MAD1L1: variants seen among roughly 807,000 people sequenced by gnomAD.
MAD1L1 encodes mitotic spindle assembly checkpoint protein MAD1.
A neutral mutation model predicts 96.9 loss-of-function variants in MAD1L1; 95 were observed. The ratio of observed to expected loss-of-function variants is 0.98; its 90% CI spans 0.83 to 1.16. The LOEUF (loss-of-function observed/expected upper bound fraction) is 1.16, where lower values mean the gene tolerates loss of function less well. Among genes scored for constraint, MAD1L1 ranks in the 50% most tolerant of loss-of-function variants. MAD1L1 has a pLI of 0.00. For synonymous variants in MAD1L1, 473 were observed against 396.6 expected (o/e 1.19, Z -2.29); for missense variants, 1,007 against 954.4 (o/e 1.06, Z -0.73).
intron 18 of MAD1L1, among the ~76,000 whole-genome samples, chr7:1,841,522 CA>C (rs1783256052): frequency 6.6e-6 from 1 of 152,210 alleles, no homozygotes; most frequent in African/African-American, 2.4e-5. Flanking sequence ...CCTCTCCTGG[CA>C]GCTGTGGGCC....
Position 1,904,456 on chromosome 7 carries a change from A to G in MAD1L1, c.1808-6066T>C, listed in dbSNP as rs147042705. 8.7e-3 allele frequency among the ~76,000 whole-genome samples: 565 copies of G among 65,122 alleles called. 21 individuals are homozygous for G. The highest frequency in any genetic ancestry group is 0.021 in the African/African-American group (282 of 13,694). The allele number at this position is 65,122 out of a possible 152,430, so 42.7% of individuals were successfully genotyped here. A position where few individuals can be genotyped will look rare whatever the true frequency, so the allele number is the denominator to read the frequency against. ...TGAAAGATGCTCTTGCGGAACTCATAATTGATCAAGCACTGTTCCAGGCAG... is the reference window on the plus strand; with the variant it reads ...TGAAAGATGCTCTTGCGGAACTCATGATTGATCAAGCACTGTTCCAGGCAG... On this transcript the variant is annotated intron_variant, in intron 17 of 18. Coordinates refer to ENST00000265854, the MANE Select transcript of MAD1L1 (RefSeq NM_001013836.2).
intron 18 of MAD1L1, among the ~76,000 whole-genome samples, chr7:1,853,493 G>A (rs755054194): frequency 2.6e-5 from 4 of 152,170 alleles, no homozygotes; most frequent in Non-Finnish European, 5.9e-5. Flanking sequence ...GACAGCAGAC[G>A]CTTAGCACCA....
At chr7:2,179,133 C>T (rs1025635241) in intron 10 of MAD1L1, among the ~76,000 whole-genome samples, 16 of 152,252 alleles carry the variant, frequency 1.1e-4, no homozygotes, top group African/African-American at 3.6e-4. Context: ...AATCCGGGAA[C>T]GTTTGGTCAA....
chr7:2,124,549 C>T (rs1212369165), intron 11 of MAD1L1, among the ~76,000 whole-genome samples: 2 of 152,196 alleles, frequency 1.3e-5, no homozygotes, highest in African/African-American at 2.4e-5. Context: ...CAGAGGCAGA[C>T]TGCCCAGGGG....
intron 11 of MAD1L1, among the ~76,000 whole-genome samples, chr7:2,071,444 T>C (rs1188099547): frequency 2.9e-4 from 44 of 152,200 alleles, no homozygotes; most frequent in East Asian, 1.9e-4. Context: ...TTGTGAAATA[T>C]GTAACTGATC....
intron 18 of MAD1L1, among the ~76,000 whole-genome samples, chr7:1,851,402 G>A (rs536538472): frequency 3.3e-5 from 5 of 152,226 alleles, no homozygotes; most frequent in Non-Finnish European, 4.4e-5. Context: ...CAGGGAGGCC[G>A]TGCTGGGACA....
chr7:2,168,163 T>C (rs571911890), intron 10 of MAD1L1, among the ~76,000 whole-genome samples: 1 of 152,060 alleles, frequency 6.6e-6, no homozygotes, highest in Non-Finnish European at 1.5e-5. Context: ...TGGGTGCCTG[T>C]AGTCCCAGCT....
Position 2,014,514 on chromosome 7 carries a change from G to T in MAD1L1, c.1347C>A (p.Ser449Arg), listed in dbSNP as rs549465774. ...CGCGGCCCCTCACCTCCATCTCGGC[G>T]CTGTGGCTGTGCACCTTCTGCACCA... Reference protein sequence around the residue: ...EDMVQKVHSHSAEMEAQLSQA... With the variant: ...EDMVQKVHSHRAEMEAQLSQA... The change falls in exon 13 of 19, where the codon AGC (serine) becomes AGA (arginine). Residue 449 changes from serine (S) to arginine (R), a missense_variant. Ser to Arg is a moderately radical substitution (Grantham distance 110). Transcript: ENST00000265854. 6.3e-6 allele frequency: 10 copies of T among 1,594,862 alleles called. No individual in the cohort carries two copies. The highest frequency in any genetic ancestry group is 8.5e-6 in the Non-Finnish European group (10 of 1,173,066).
Position 2,088,029 on chromosome 7 carries a change from G to A in MAD1L1, c.1074-18691C>T, listed in dbSNP as rs531640329. Among the ~76,000 whole-genome samples the A allele has an allele frequency of 5.9e-5, 9 of 152,300 alleles. 1 individual carries two copies. The South Asian group carries it at 1.5e-3, about 25-fold the overall frequency. The stretch of plus-strand genomic sequence containing the variant: ...AACTGGATCCGTTTCCCAGCAGATC[G>A]AGGCTTGAGGCTCTAGGAGAGTTAG... On this transcript the variant is annotated intron_variant, in intron 11 of 18. Transcript: ENST00000265854. This position sits in a 1 kb window ranked among gnomAD's most constrained non-coding sequence, Gnocchi z 4.4.
At chr7:1,859,259 C>G (rs952631296) in intron 18 of MAD1L1, among the ~76,000 whole-genome samples, 1 of 152,224 alleles carries the variant, frequency 6.6e-6, no homozygotes, top group African/African-American at 2.4e-5. Flanking sequence ...TGCGCAGCAG[C>G]TGTGATGATC....
In MAD1L1 at chr7:1,865,522, G is replaced by A. The variant is rs575284290; in HGVS notation, c.1998+32678C>T. 5.9e-5 allele frequency among the ~76,000 whole-genome samples: 9 copies of A among 152,360 alleles called. 1 individual carries two copies. Among genetic ancestry groups the A allele is most frequent in the East Asian group, 5.8e-4 (3 of 5,190 alleles). On this transcript the variant is annotated intron_variant, in intron 18 of 18. Transcript: ENST00000265854. ...AATTGCTTTAATATTATTTACAAGCGCAGGGCGACGGAGCAGCCAGATGGG... is the reference window on the plus strand; with the variant it reads ...AATTGCTTTAATATTATTTACAAGCACAGGGCGACGGAGCAGCCAGATGGG...
intron 12 of MAD1L1, among the ~76,000 whole-genome samples, chr7:2,044,345 A>G (rs1783826697): frequency 6.6e-6 from 1 of 152,210 alleles, no homozygotes; most frequent in South Asian, 2.1e-4. Flanking sequence ...ACCTGGGACC[A>G]GGATTTGAAC....
chr7:1,914,309 T>TC (rs1788231371), intron 17 of MAD1L1, among the ~76,000 whole-genome samples: 1 of 152,148 alleles, frequency 6.6e-6, no homozygotes, highest in Non-Finnish European at 1.5e-5. Flanking sequence ...TGCAGATGTG[T>TC]CCGGGGCAGG....
intron 15 of MAD1L1, among the ~76,000 whole-genome samples, chr7:1,966,138 G>C (rs1213439418): frequency 6.6e-6 from 1 of 152,254 alleles, no homozygotes; most frequent in African/African-American, 2.4e-5. Context: ...CAGGAGCGCT[G>C]CCAAGGCTTC....
intron 11 of MAD1L1, among the ~76,000 whole-genome samples, chr7:2,139,274 G>A (rs1265944586): frequency 1.3e-5 from 2 of 152,210 alleles, no homozygotes; most frequent in African/African-American, 4.8e-5. Context: ...GCCAACCCAT[G>A]GGAGCACCCT....
chr7:2,047,269 G>C (rs773052429), intron 12 of MAD1L1, among the ~76,000 whole-genome samples: 4 of 152,194 alleles, frequency 2.6e-5, no homozygotes, highest in Non-Finnish European at 5.9e-5. Flanking sequence ...TGCGTAACAA[G>C]CTGCAGAAAA....
chr7:2,006,639 C>T (rs550048635), intron 13 of MAD1L1, among the ~76,000 whole-genome samples: 6 of 149,834 alleles, frequency 4.0e-5, no homozygotes, highest in African/African-American at 1.2e-4. Flanking sequence ...ACAGGAGAGA[C>T]GGGACATCAC....
intron 18 of MAD1L1, among the ~76,000 whole-genome samples, chr7:1,882,240 G>A (rs1785729111): frequency 6.6e-6 from 1 of 152,218 alleles, no homozygotes; most frequent in Non-Finnish European, 1.5e-5. Context: ...GCCGGGCAGA[G>A]GGCACCTGGG....
intron 17 of MAD1L1, among the ~76,000 whole-genome samples, chr7:1,911,533 G>T (rs1023319805): frequency 3.3e-5 from 5 of 152,236 alleles, no homozygotes; most frequent in Non-Finnish European, 7.3e-5. Flanking sequence ...AGAACGCATG[G>T]TGCTCATTTC....
Sources: allele counts gnomAD v4.1 joint callset (sites outside exome capture counted in the v4.1 genomes callset), GRCh38; gene constraint gnomAD v4.1.1; non-coding constraint Gnocchi (gnomAD v3.1); transcripts MANE v1.5; gene names NCBI Gene and HGNC (gene_info 2026-07-23, HGNC 2026-07-21).